SLC30A8: variants seen among roughly 807,000 people sequenced by gnomAD.
SLC30A8 encodes proton-coupled zinc antiporter SLC30A8.
Under a neutral mutation model 36.9 loss-of-function variants are expected in SLC30A8, and 27 were observed. That is an observed-to-expected ratio of 0.73 (90% CI 0.54 to 1.01). SLC30A8 has a LOEUF of 1.01. Among genes scored for constraint, SLC30A8 ranks in the 50% least tolerant of loss-of-function variants. The pLI, the probability that SLC30A8 is intolerant of heterozygous loss-of-function variation, is 0.00. For synonymous variants in SLC30A8, 164 were observed against 172.4 expected, an observed-to-expected ratio of 0.95 and a Z score of 0.38; for missense variants, 439 against 452.0, an observed-to-expected ratio of 0.97 and a Z score of 0.26.
upstream of SLC30A8, among the ~76,000 whole-genome samples, chr8:117,131,271 CT>C (rs1393261916): frequency 6.6e-6 from 1 of 151,966 alleles, no homozygotes; most frequent in Non-Finnish European, 1.5e-5. Context: ...TTTCTAATGT[CT>C]TTGTTTTCAC....
intron 2 of SLC30A8, among the ~76,000 whole-genome samples, chr8:117,087,195 G>A (rs775436224): frequency 6.6e-6 from 1 of 152,168 alleles, no homozygotes; most frequent in Non-Finnish European, 1.5e-5. Flanking sequence ...CTAAGAAGCT[G>A]TGCTGTGGTC....
intron 2 of SLC30A8, among the ~76,000 whole-genome samples, chr8:117,101,079 TTTAATC>T (rs1389835769): frequency 2.0e-5 from 3 of 152,152 alleles, no homozygotes; most frequent in African/African-American, 7.2e-5. Context: ...CCAGATAAGT[TTTAATC>T]TTAGACTCTG....
At chr8:117,080,262 T>C (rs1818629251) in intron 2 of SLC30A8, among the ~76,000 whole-genome samples, 1 of 152,226 alleles carries the variant, frequency 6.6e-6, no homozygotes, top group Non-Finnish European at 1.5e-5. Context: ...CAATTCATAT[T>C]TCCACTTTCT....
In SLC30A8 at chr8:117,157,726, T is replaced by C. The variant is rs142407509; in HGVS notation, c.454T>C (p.Trp152Arg). 9 of 1,614,132 alleles carry C rather than the reference T, an allele frequency of 5.6e-6. No homozygotes were observed. Among genetic ancestry groups the C allele is most frequent in the Non-Finnish European group, 7.6e-6 (9 of 1,179,988 alleles). The change falls in exon 4 of 8, where the codon TGG becomes CGG. Residue 152 changes from tryptophan (W) to arginine (R), a missense_variant. Trp to Arg is a moderately radical substitution (Grantham distance 101). Coordinates refer to ENST00000456015, the MANE Select transcript of SLC30A8 (RefSeq NM_173851.3). The part of the protein sequence containing the change: ...LGALLSILCI[W>R]VVTGVLVYLA... The stretch of plus-strand genomic sequence containing the variant: ...TGCCCTGCTCTCCATCCTGTGCATC[T>C]GGGTGGTGACTGGCGTGCTAGTGTA...
chr8:116,992,624 GTCTC>G lies in SLC30A8; in HGVS notation c.-266+41509_-266+41512del, dbSNP rs529139707. Among the ~76,000 whole-genome samples the G allele has an allele frequency of 1.2e-4, 19 of 152,262 alleles. No individual in the cohort carries two copies. In the South Asian group the frequency reaches 3.9e-3, roughly 32 times the overall value. ...AAGTAGGTCCAGCAGTTTGTATGCAGTCTCTCTATGAGGAGCTTATCAGTTACCA... is the reference window on the plus strand; with the variant it reads ...AAGTAGGTCCAGCAGTTTGTATGCAGTCTATGAGGAGCTTATCAGTTACCA... On this transcript the variant is annotated intron_variant, in intron 1 of 10. Coordinates refer to the SLC30A8 transcript ENST00000427715.
chr8:117,094,595 T>C (rs1342810136), intron 2 of SLC30A8, among the ~76,000 whole-genome samples: 1 of 152,142 alleles, frequency 6.6e-6, no homozygotes, highest in South Asian at 2.1e-4. Context: ...GGAATAAGTG[T>C]GTGCCAGTTG....
chr8:116,996,479 A>G (rs560609279), intron 1 of SLC30A8, among the ~76,000 whole-genome samples: 1 of 152,300 alleles, frequency 6.6e-6, no homozygotes, highest in East Asian at 1.9e-4. Context: ...TACCTCACAT[A>G]CTTATTTTTT....
chr8:117,162,417 A>G (rs1215802357), intron 5 of SLC30A8, among the ~76,000 whole-genome samples: 2 of 152,046 alleles, frequency 1.3e-5, no homozygotes, highest in African/African-American at 2.4e-5. Context: ...ATTGCCCACA[A>G]TGGGGGAGAG....
intron 1 of SLC30A8, among the ~76,000 whole-genome samples, chr8:116,951,902 T>C (rs373824598): frequency 2.6e-5 from 4 of 151,758 alleles, no homozygotes; most frequent in African/African-American, 4.8e-5. Context: ...GTAGTCTAGA[T>C]GGCAGGGTGG....
intron 1 of SLC30A8, among the ~76,000 whole-genome samples, chr8:117,012,416 A>T (rs1254262474): frequency 1.3e-5 from 2 of 149,014 alleles, no homozygotes; most frequent in Non-Finnish European, 3.0e-5. Flanking sequence ...TGAAAATATT[A>T]AAAAAAAAAT....
At chr8:117,119,009 G>GCT (rs1351327400) in intron 2 of SLC30A8, among the ~76,000 whole-genome samples, 18 of 152,052 alleles carry the variant, frequency 1.2e-4, no homozygotes, top group African/African-American at 4.3e-4. Context: ...GGATTGGGTA[G>GCT]AAGTCAACTA....
intron 1 of SLC30A8, among the ~76,000 whole-genome samples, chr8:116,978,127 C>T (rs989112105): frequency 6.6e-6 from 1 of 152,070 alleles, no homozygotes; most frequent in Non-Finnish European, 1.5e-5. Flanking sequence ...CTTTTTCAAA[C>T]CAGTATAGCC....
intron 1 of SLC30A8, among the ~76,000 whole-genome samples, chr8:117,011,827 G>A (rs1015429525): frequency 2.6e-5 from 4 of 152,134 alleles, no homozygotes; most frequent in Non-Finnish European, 4.4e-5. Flanking sequence ...GGACTACTAC[G>A]TGAGAAATAT....
At chr8:117,153,723 G>GGGGTGTGT (rs1554591091) in intron 3 of SLC30A8, among the ~76,000 whole-genome samples, 192 of 147,006 alleles carry the variant, frequency 1.3e-3, no homozygotes, top group South Asian at 4.0e-3. Flanking sequence ...CATGATAAGG[G>GGGGTGTGT]GTGTGTGTGT....
chr8:117,001,748 A>G (rs749296351), intron 1 of SLC30A8, among the ~76,000 whole-genome samples: 2 of 152,162 alleles, frequency 1.3e-5, no homozygotes, highest in Non-Finnish European at 2.9e-5. Flanking sequence ...TTTCCTCCAG[A>G]TATGCTGGTT....
In SLC30A8 at chr8:117,175,906, C is replaced by G. The variant is rs1197887709; in HGVS notation, c.*3225C>G. 6.6e-6 allele frequency: 1 copy of G among 151,992 alleles called. No individual in the cohort carries two copies. The allele number at this position is 151,992 out of a possible 1,614,324, so 9.4% of individuals were successfully genotyped here. On this transcript the variant is annotated 3_prime_UTR_variant, in exon 8 of 8. Coordinates refer to ENST00000456015, the MANE Select transcript of SLC30A8 (RefSeq NM_173851.3). ...AGAGTGATGAATTAATTAAAATAGT[C>G]GAATCCCTTTCTGACTGTCTCTGAA...
chr8:116,976,897 A>G (rs769603086), intron 1 of SLC30A8, among the ~76,000 whole-genome samples: 12 of 141,878 alleles, frequency 8.5e-5, no homozygotes, highest in Admixed American at 1.4e-4. Context: ...GCTCACTGCA[A>G]CCTCCACCTC....
At chr8:117,000,628 A>G (rs1815979294) in intron 1 of SLC30A8, among the ~76,000 whole-genome samples, 1 of 152,204 alleles carries the variant, frequency 6.6e-6, no homozygotes, top group Non-Finnish European at 1.5e-5. Context: ...CTCAAATGTT[A>G]AGACAGAAAA....
At chr8:117,131,310 C>G (rs752477502), upstream of SLC30A8, among the ~76,000 whole-genome samples, 1 of 151,996 alleles carries the variant, frequency 6.6e-6, no homozygotes, top group Non-Finnish European at 1.5e-5. Context: ...CTGAAATACT[C>G]ACACTGTAGT....
Sources: allele counts gnomAD v4.1 joint callset (sites outside exome capture counted in the v4.1 genomes callset), GRCh38; gene constraint gnomAD v4.1.1; transcripts MANE v1.5; gene names NCBI Gene and HGNC (gene_info 2026-07-23, HGNC 2026-07-21).